Variants in CSMD1 observed in about 807,000 individuals in gnomAD.
CSMD1 encodes CUB and Sushi multiple domains 1.
CSMD1 carries 213 observed loss-of-function variants against 417.5 expected under a neutral mutation model. The observed-to-expected ratio is 0.51, with a 90% CI of 0.46 to 0.57. The LOEUF (loss-of-function observed/expected upper bound fraction) is 0.57, where lower values mean the gene tolerates loss of function less well. CSMD1 is among the 20% of genes least tolerant of loss of function. The pLI is 0.00. For synonymous variants in CSMD1, 2,862 were observed against 1,736.8 expected, an observed-to-expected ratio of 1.65 and a Z score of -16.11; for missense variants, 6,923 against 4,529.7, an observed-to-expected ratio of 1.53 and a Z score of -15.17.
At chr8:3,820,344 G>C (rs937427061) in intron 5 of CSMD1, among the ~76,000 whole-genome samples, 3 of 152,098 alleles carry the variant, frequency 2.0e-5, no homozygotes, top group Non-Finnish European at 4.4e-5. Context: ...GATATATGGT[G>C]TTTGAACTGG....
chr8:3,499,689 A>G (rs576793401), intron 10 of CSMD1, among the ~76,000 whole-genome samples: 52 of 152,010 alleles, frequency 3.4e-4, no homozygotes, highest in African/African-American at 1.2e-3. Context: ...GACTTGTGGT[A>G]TAGGGTACTT....
At chr8:4,182,976 A>G (rs544062709) in intron 3 of CSMD1, among the ~76,000 whole-genome samples, 18 of 152,292 alleles carry the variant, frequency 1.2e-4, no homozygotes, top group Admixed American at 3.9e-4. Flanking sequence ...AGGCAAGGAA[A>G]GGAAGGATCA....
chr8:4,229,851 T>G (rs929435912), intron 3 of CSMD1, among the ~76,000 whole-genome samples: 3 of 152,216 alleles, frequency 2.0e-5, no homozygotes, highest in South Asian at 4.1e-4. Context: ...TTTTATCGCT[T>G]TGGTCTGTGT....
At chr8:3,539,502 G>A (rs1042585625) in intron 10 of CSMD1, among the ~76,000 whole-genome samples, 2 of 152,104 alleles carry the variant, frequency 1.3e-5, no homozygotes, top group African/African-American at 4.8e-5. Flanking sequence ...CTACACATGT[G>A]CATTATATTA....
intron 5 of CSMD1, among the ~76,000 whole-genome samples, chr8:3,971,267 C>G (rs1483116643): frequency 6.6e-6 from 1 of 152,208 alleles, no homozygotes; most frequent in African/African-American, 2.4e-5. Flanking sequence ...AATCTCTGCA[C>G]TGTGATTTCT....
chr8:3,530,351 G>A (rs766265578), intron 10 of CSMD1, among the ~76,000 whole-genome samples: 10 of 152,038 alleles, frequency 6.6e-5, no homozygotes, highest in Admixed American at 4.6e-4. Flanking sequence ...TTGGTATGTT[G>A]TAATTTCATT....
intron 3 of CSMD1, among the ~76,000 whole-genome samples, chr8:4,072,000 C>T (rs1799583638): frequency 6.6e-6 from 1 of 152,170 alleles, no homozygotes; most frequent in Non-Finnish European, 1.5e-5. Context: ...CCCTCATTTT[C>T]TGGTGGATGT....
At chr8:4,398,294 T>C (rs1804395870) in intron 3 of CSMD1, among the ~76,000 whole-genome samples, 1 of 152,120 alleles carries the variant, frequency 6.6e-6, no homozygotes, top group Non-Finnish European at 1.5e-5. Flanking sequence ...TGGACAATCG[T>C]CTCTACTCTT....
intron 2 of CSMD1, among the ~76,000 whole-genome samples, chr8:4,626,226 T>G (rs1196618865): frequency 2.0e-5 from 3 of 152,154 alleles, no homozygotes; most frequent in Non-Finnish European, 4.4e-5. Context: ...GGACACAGCC[T>G]GCATGAAGCA....
At chr8:4,725,758 G>C (rs762702082) in intron 1 of CSMD1, among the ~76,000 whole-genome samples, 2 of 152,062 alleles carry the variant, frequency 1.3e-5, no homozygotes, top group African/African-American at 4.8e-5. Flanking sequence ...TTAGTAGCTG[G>C]TACCTTGAGT....
intron 33 of CSMD1, 94 bp downstream of exon 33, chr8:3,199,620 T>G (rs1585633176): frequency 9.0e-5 from 51 of 564,182 alleles, no homozygotes; most frequent in Non-Finnish European, 1.3e-4. Flanking sequence ...AAAATGCAGC[T>G]GAGATGTTTT....
chr8:4,595,387 C>CTTTTTTTTTTTTTTTTTTTTTTTTTTTT, intron 2 of CSMD1, among the ~76,000 whole-genome samples: 20 of 147,416 alleles, frequency 1.4e-4, no homozygotes, highest in East Asian at 2.0e-4. Flanking sequence ...CATTCATTTT[C>CTTTTTTTTTTTTTTTTTTTTTTTTTTTT]ATTCCATCCA....
intron 2 of CSMD1, among the ~76,000 whole-genome samples, chr8:4,570,252 T>G (rs1196059112): frequency 6.6e-6 from 1 of 152,238 alleles, no homozygotes; most frequent in African/African-American, 2.4e-5. Flanking sequence ...TTTTGACCAT[T>G]CTGTATGACA....
At chr8:3,970,393 G>C (rs558164691) in intron 5 of CSMD1, among the ~76,000 whole-genome samples, 1 of 152,292 alleles carries the variant, frequency 6.6e-6, no homozygotes, top group African/African-American at 2.4e-5. Flanking sequence ...AATCTGAAAC[G>C]AGATTGATTA....
chr8:3,233,163 C>T (rs1220035095), intron 26 of CSMD1, among the ~76,000 whole-genome samples: 1 of 151,746 alleles, frequency 6.6e-6, no homozygotes, highest in Non-Finnish European at 1.5e-5. Context: ...CTATTTGTCT[C>T]CTCAAAAACT....
In CSMD1 at chr8:4,474,971, A is replaced by T. The variant is rs74367899; in HGVS notation, c.303-54906T>A. On this transcript the variant is annotated intron_variant, in intron 2 of 69. Coordinates refer to ENST00000635120, the MANE Select transcript of CSMD1 (RefSeq NM_033225.6). ...TTATCTGTAAGATTCCTGGTCAACT[A>T]CAGGCTGTTAGTAATTACGTTTTGG... Among the ~76,000 whole-genome samples, 363 of 152,296 alleles carry T rather than the reference A, an allele frequency of 2.4e-3. 2 individuals are homozygous for T. The highest frequency in any genetic ancestry group is 8.0e-3 in the African/African-American group (333 of 41,574).
intron 23 of CSMD1, among the ~76,000 whole-genome samples, chr8:3,324,925 T>C (rs983536768): frequency 3.3e-5 from 5 of 152,168 alleles, no homozygotes; most frequent in Non-Finnish European, 2.9e-5. Context: ...TGGAATTTAA[T>C]TGACAGGATT....
At chr8:3,260,571 C>T (rs992015596) in intron 26 of CSMD1, among the ~76,000 whole-genome samples, 4 of 151,806 alleles carry the variant, frequency 2.6e-5, no homozygotes, top group Admixed American at 6.6e-5. Flanking sequence ...AGAGAGGGTC[C>T]ACCGAGAACA....
chr8:4,323,753 T>TC (rs5889033), intron 3 of CSMD1, among the ~76,000 whole-genome samples: 5 of 151,834 alleles, frequency 3.3e-5, no homozygotes, highest in East Asian at 3.9e-4. Flanking sequence ...CACTCAAATA[T>TC]CCCCCCCTTC....
Sources: gnomAD v4.1 joint callset for allele counts (sites outside exome capture counted in the v4.1 genomes callset) on GRCh38, gnomAD v4.1.1 for gene constraint, MANE v1.5 for transcripts, NCBI Gene and HGNC (gene_info 2026-07-23, HGNC 2026-07-21) for gene names.